Variants in MAP7D3 observed in about 807,000 individuals in gnomAD.
MAP7D3 encodes the protein MAP7 domain-containing protein 3.
Under a neutral mutation model 62.2 loss-of-function variants are expected in MAP7D3, and 45 were observed. The ratio of observed to expected loss-of-function variants is 0.72; its 90% CI spans 0.57 to 0.93. The LOEUF (loss-of-function observed/expected upper bound fraction) is 0.93. MAP7D3 is among the 40% of genes least tolerant of loss of function. The pLI, the probability that MAP7D3 is intolerant of heterozygous loss-of-function variation, is 0.00. For missense variants in MAP7D3, 711 were observed against 683.1 expected (o/e 1.04, Z -0.45); for synonymous variants, 288 against 248.8 (o/e 1.16, Z -1.48).
rs952273335 is a variant in MAP7D3 at position 136,222,384 on chromosome X, G to A, written c.2287+9C>T. 2.5e-6 allele frequency: 3 copies of A among 1,190,737 alleles called. No homozygotes were observed. The African/African-American group carries it at 5.3e-5, about 21-fold the overall frequency. On this transcript the variant is annotated intron_variant, in intron 15 of 18. Transcript: ENST00000316077. The stretch of plus-strand genomic sequence containing the variant: ...ACCTAAGCAGTCTAGCTCCTAAATG[G>A]TGACTAACCTGATGGAAACATTTCA...
chrX:136,247,795 A>G (rs763553389), intron 1 of MAP7D3, among the ~76,000 whole-genome samples: 1 of 111,750 alleles, frequency 8.9e-6, no homozygotes, highest in Non-Finnish European at 1.9e-5. Flanking sequence ...CACTTGCAAC[A>G]TTTTTATGTG....
upstream of MAP7D3, chrX:136,251,449 T>G (rs1389040216): frequency 2.0e-5 from 9 of 446,627 alleles, no homozygotes; most frequent in African/African-American, 3.4e-5. Flanking sequence ...GGGCTGCCGG[T>G]GGGCGGGGCG....
chrX:136,240,317 T>A (rs1175834778), intron 6 of MAP7D3, 65 bp downstream of exon 6: 1 of 702,356 alleles, frequency 1.4e-6, no homozygotes, highest in Non-Finnish European at 2.3e-6. Context: ...GGTGGTACTG[T>A]AAAAATATAA....
intron 11 of MAP7D3, among the ~76,000 whole-genome samples, chrX:136,228,361 CTG>C (rs1295668587): frequency 8.9e-6 from 1 of 111,944 alleles, no homozygotes; most frequent in African/African-American, 3.2e-5. Context: ...AGTTTGGTCT[CTG>C]TGCATCCTCC....
chrX:136,254,895 AAAAC>A (rs781386062), upstream of MAP7D3, among the ~76,000 whole-genome samples: 17 of 99,283 alleles, frequency 1.7e-4, no homozygotes, highest in Non-Finnish European at 1.6e-4. Flanking sequence ...AACAAAAACA[AAAAC>A]AAACAAACAA....
At position 136,224,857 on chromosome X, in the gene MAP7D3, C is replaced by T; in HGVS notation, c.2163G>A (p.Arg721=). ...RKKRIEEIMK[R]TRKTDVNASK... ...AGGCATTCACATCTGTCTTTCTTGT[C>T]CGCTTCATAATTTCTTCTATTCTCT... Residue 721 remains arginine (R), a synonymous_variant, in exon 14 of 19, where the codon CGG becomes CGA. Coordinates refer to ENST00000316077, the MANE Select transcript of MAP7D3 (RefSeq NM_024597.4). The T allele has an allele frequency of 8.5e-7, 1 of 1,174,653 alleles. No homozygotes were observed. The highest frequency in any genetic ancestry group is 1.2e-6 in the Non-Finnish European group (1 of 862,038).
At chrX:136,256,000 A>G (rs2074549712), upstream of MAP7D3, 1 of 714,727 alleles carries the variant, frequency 1.4e-6, no homozygotes, top group Non-Finnish European at 1.7e-6. Flanking sequence ...GCGAATTTGC[A>G]TGCAAACTGC....
At chrX:136,233,132 A>T (rs1207427300) in intron 7 of MAP7D3, among the ~76,000 whole-genome samples, 7 of 111,615 alleles carry the variant, frequency 6.3e-5, no homozygotes, top group Non-Finnish European at 1.3e-4. Flanking sequence ...AATATTTTGG[A>T]CATAGAAGAT....
intron 6 of MAP7D3, among the ~76,000 whole-genome samples, chrX:136,237,027 A>G (rs1367450458): frequency 8.9e-6 from 1 of 112,673 alleles, no homozygotes; most frequent in East Asian, 2.8e-4. Context: ...TAAAATAAAA[A>G]TGAATATTAA....
upstream of MAP7D3, among the ~76,000 whole-genome samples, chrX:136,252,250 T>C (rs1315184125): frequency 9.0e-6 from 1 of 111,148 alleles, no homozygotes; most frequent in Non-Finnish European, 1.9e-5. Context: ...ACTTGTGAGA[T>C]GGGCACTTTG....
intron 4 of MAP7D3, among the ~76,000 whole-genome samples, chrX:136,242,648 C>A (rs1211213821): frequency 9.0e-6 from 1 of 111,499 alleles, no homozygotes; most frequent in Non-Finnish European, 1.9e-5. Context: ...CTCTTCTATT[C>A]TCTGTGTTCT....
chrX:136,242,165 A>C (rs965757437), intron 4 of MAP7D3, among the ~76,000 whole-genome samples: 2 of 112,723 alleles, frequency 1.8e-5, no homozygotes, highest in Admixed American at 9.4e-5. Context: ...CGCAATTCTT[A>C]AAATAAAGTT....
intron 14 of MAP7D3, 110 bp from the exon 15 acceptor site, chrX:136,222,596 T>A: frequency 1.6e-6 from 1 of 616,469 alleles, no homozygotes; most frequent in Non-Finnish European, 2.5e-6. Context: ...TTTTGTCATT[T>A]CAACGAAAAG....
At chrX:136,252,716 G>GA (rs1293703825), upstream of MAP7D3, among the ~76,000 whole-genome samples, 3 of 75,121 alleles carry the variant, frequency 4.0e-5, no homozygotes, top group African/African-American at 8.9e-5. Flanking sequence ...AAAAGAAAAA[G>GA]AAAAAAAAGA....
intron 13 of MAP7D3, 93 bp downstream of exon 13, chrX:136,225,816 A>C: frequency 1.8e-6 from 1 of 567,229 alleles, no homozygotes; most frequent in Non-Finnish European, 2.9e-6. Flanking sequence ...ACTAGCATAT[A>C]TCAGATTTGT....
chrX:136,216,445 A>G (rs780537233), downstream of MAP7D3, among the ~76,000 whole-genome samples: 5 of 105,274 alleles, frequency 4.7e-5, no homozygotes, highest in East Asian at 2.9e-4. Context: ...GACGAAGAGA[A>G]AAAAAAAAAA....
chrX:136,242,107 G>C (rs1370667483), intron 4 of MAP7D3, among the ~76,000 whole-genome samples: 1 of 111,517 alleles, frequency 9.0e-6, no homozygotes, highest in Non-Finnish European at 1.9e-5. Context: ...AAAGATAAAC[G>C]TACTAGGAAA....
chrX:136,245,735 A>G (rs998451524), intron 3 of MAP7D3, among the ~76,000 whole-genome samples: 1 of 110,573 alleles, frequency 9.0e-6, no homozygotes, highest in Non-Finnish European at 1.9e-5. Context: ...TGACAGAGTA[A>G]GACTCCGCCT....
At chrX:136,245,968 CTCTA>C (rs2074443339) in intron 3 of MAP7D3, 93 bp downstream of exon 3, 2 of 527,251 alleles carry the variant, frequency 3.8e-6, no homozygotes, top group Non-Finnish European at 6.1e-6. Flanking sequence ...AAAAATTATA[CTCTA>C]TCATATAAAC....
Sources: gnomAD v4.1 joint callset for allele counts (sites outside exome capture counted in the v4.1 genomes callset) on GRCh38, gnomAD v4.1.1 for gene constraint, MANE v1.5 for transcripts, NCBI Gene and HGNC (gene_info 2026-07-23, HGNC 2026-07-21) for gene names.